Variants in SLC44A1 observed in about 807,000 individuals in gnomAD.
SLC44A1 encodes solute carrier family 44 member 1.
In SLC44A1, 26 loss-of-function variants were observed where a neutral mutation model predicts 79.3. The ratio of observed to expected loss-of-function variants is 0.33; its 90% CI spans 0.24 to 0.46. The LOEUF (loss-of-function observed/expected upper bound fraction) is 0.46. SLC44A1 is among the 20% of genes least tolerant of loss of function. SLC44A1 has a pLI of 1.00. For missense variants in SLC44A1, 688 were observed against 798.1 expected, an observed-to-expected ratio of 0.86 and a Z score of 1.66; for synonymous variants, 263 against 286.2, an observed-to-expected ratio of 0.92 and a Z score of 0.82.
At chr9:105,380,385 G>A (rs1361107790) in intron 13 of SLC44A1, among the ~76,000 whole-genome samples, 1 of 150,750 alleles carries the variant, frequency 6.6e-6, no homozygotes, top group Admixed American at 6.6e-5. Context: ...ATCTGGTTTT[G>A]TGCCCAGGCT....
intron 2 of SLC44A1, among the ~76,000 whole-genome samples, chr9:105,305,705 AC>A (rs1831010470): frequency 6.6e-6 from 1 of 152,100 alleles, no homozygotes; most frequent in African/African-American, 2.4e-5. Context: ...ATACTCATAC[AC>A]CATCTCCCAC....
chr9:105,392,956 TAA>T lies in SLC44A1; in HGVS notation c.*3909_*3910del, dbSNP rs35765843. The T allele has an allele frequency of 4.3e-6, 4 of 923,184 alleles. No homozygotes were observed. The highest frequency in any genetic ancestry group is 5.2e-6 in the Non-Finnish European group (4 of 775,540). 57.2% of individuals were successfully genotyped at this position (923,184 alleles called of 1,614,324 possible). A position where few individuals can be genotyped will look rare whatever the true frequency, so the allele number is the denominator to read the frequency against. On this transcript the variant is annotated 3_prime_UTR_variant, in exon 16 of 16. Transcript: ENST00000374720. ...CTTTACTGCTTTTCTACTGCTACTTTAAAAAAAAAACAACAACAACAAATAAA... is the reference window on the plus strand; with the variant it reads ...CTTTACTGCTTTTCTACTGCTACTTTAAAAAAAACAACAACAACAAATAAA...
rs529464119 is a variant in SLC44A1 at position 105,409,114 on chromosome 9, G to T, written c.1950+23612G>T. Reference sequence around the variant, plus strand: ...TTACCAGTTTTTTAAAATGTAAATGGATTAAACTCTTCAGTTAAAAGGCAG... The same window carrying T: ...TTACCAGTTTTTTAAAATGTAAATGTATTAAACTCTTCAGTTAAAAGGCAG... On this transcript the variant is annotated intron_variant, in intron 15 of 15. Transcript: ENST00000374724. Among the ~76,000 whole-genome samples, 7 of 152,276 alleles carry T rather than the reference G, an allele frequency of 4.6e-5. No homozygotes were observed. The East Asian group carries it at 1.3e-3, about 29-fold the overall frequency.
At chr9:105,384,927 A>G (rs1828584625) in intron 14 of SLC44A1, among the ~76,000 whole-genome samples, 1 of 152,132 alleles carries the variant, frequency 6.6e-6, no homozygotes, top group Admixed American at 6.6e-5. Context: ...ACTTTTTTTA[A>G]AAAGAGTAGT....
chr9:105,253,247 T>A (rs1333786590), intron 1 of SLC44A1, among the ~76,000 whole-genome samples: 1 of 152,178 alleles, frequency 6.6e-6, no homozygotes, highest in Non-Finnish European at 1.5e-5. Flanking sequence ...TCTGGATATG[T>A]TTATAATATG....
At chr9:105,409,973 A>C (rs958871796) in intron 15 of SLC44A1, among the ~76,000 whole-genome samples, 2 of 152,218 alleles carry the variant, frequency 1.3e-5, no homozygotes, top group Non-Finnish European at 2.9e-5. Context: ...AATCACAGTA[A>C]ATTTTAAAAG....
chr9:105,280,044 AAATG>A (rs1295964385), intron 1 of SLC44A1, among the ~76,000 whole-genome samples: 1 of 152,250 alleles, frequency 6.6e-6, no homozygotes, highest in African/African-American at 2.4e-5. Context: ...TAAAATAAAT[AAATG>A]AACTAGAGGG....
At chr9:105,385,356 A>G in intron 14 of SLC44A1, 66 bp from the exon 15 acceptor site, 1 of 1,123,264 alleles carries the variant, frequency 8.9e-7, no homozygotes, top group Non-Finnish European at 1.3e-6. Context: ...GATGTTCTTT[A>G]GAATTCATCT....
chr9:105,400,226 C>T (rs755308706), downstream of SLC44A1, among the ~76,000 whole-genome samples: 3 of 152,032 alleles, frequency 2.0e-5, no homozygotes, highest in Non-Finnish European at 2.9e-5. Flanking sequence ...CGCGGTGGCT[C>T]ATGCCTGTAA....
At chr9:105,271,279 A>G (rs1336721947) in intron 1 of SLC44A1, among the ~76,000 whole-genome samples, 1 of 152,224 alleles carries the variant, frequency 6.6e-6, no homozygotes, top group Non-Finnish European at 1.5e-5. Flanking sequence ...ATGGTTTTCT[A>G]GAAGGTTCTG....
intron 1 of SLC44A1, among the ~76,000 whole-genome samples, chr9:105,267,759 T>C (rs1209166112): frequency 6.6e-6 from 1 of 152,202 alleles, no homozygotes; most frequent in Non-Finnish European, 1.5e-5. Flanking sequence ...TGGTCATCCT[T>C]AGCTATCTAG....
Position 105,254,116 on chromosome 9 carries a change from C to A in SLC44A1, c.36+9212C>A, listed in dbSNP as rs888871563. 3.3e-5 allele frequency among the ~76,000 whole-genome samples: 5 copies of A among 152,292 alleles called. 1 individual carries two copies. In the Middle Eastern group the frequency reaches 0.01, roughly 311 times the overall value. ...AAACATTAAGGAAAATTGATTATCT[C>A]CTATAGGTCAAGGGGTAGGGTAGCT... is the stretch of plus-strand genomic sequence containing the variant. On this transcript the variant is annotated intron_variant, in intron 1 of 15. Transcript: ENST00000374720.
chr9:105,333,522 T>C (rs1826817706), intron 3 of SLC44A1, among the ~76,000 whole-genome samples: 1 of 152,138 alleles, frequency 6.6e-6, no homozygotes. Flanking sequence ...TTAAGTATTA[T>C]TAGGCCAGGC....
intron 1 of SLC44A1, among the ~76,000 whole-genome samples, chr9:105,280,224 G>A (rs964637442): frequency 2.6e-5 from 4 of 152,330 alleles, no homozygotes; most frequent in Middle Eastern, 3.4e-3. Context: ...GGTCAACACT[G>A]TGTTGCAGTT....
In SLC44A1 at chr9:105,396,096, C is replaced by A. The variant is rs1564050871; in HGVS notation, c.*7040C>A. On this transcript the variant is annotated 3_prime_UTR_variant, in exon 16 of 16. Transcript: ENST00000374720. Reference sequence around the variant, plus strand: ...CTATTTTGATTTTCAGAGATGATCACATGGGGACAGTTAACTTTTCTTCTG... The same window carrying A: ...CTATTTTGATTTTCAGAGATGATCAAATGGGGACAGTTAACTTTTCTTCTG... 1.0e-6 allele frequency: 1 copy of A among 985,142 alleles called. No homozygotes were observed. The highest frequency in any genetic ancestry group is 6.2e-5 in the Admixed American group (1 of 16,246). 61.0% of individuals were successfully genotyped at this position (985,142 alleles called of 1,614,324 possible).
chr9:105,396,205 A>G lies in SLC44A1; in HGVS notation c.*7149A>G, dbSNP rs1038289566. On this transcript the variant is annotated 3_prime_UTR_variant, in exon 16 of 16. Transcript: ENST00000374720. ...CCTATAAAAAGATACTGAGAGCTCC[A>G]TAATGAAAGAAGTTGTTATACTTTC... 1 of 985,132 alleles carries G rather than the reference A, an allele frequency of 1.0e-6. No homozygotes were observed. The highest frequency in any genetic ancestry group is 1.7e-5 in the African/African-American group (1 of 57,238). 61.0% of individuals were successfully genotyped at this position (985,132 alleles called of 1,614,324 possible). A position where few individuals can be genotyped will look rare whatever the true frequency, so the allele number is the denominator to read the frequency against.
intron 3 of SLC44A1, among the ~76,000 whole-genome samples, chr9:105,313,097 C>A (rs1401054082): frequency 1.3e-5 from 2 of 152,202 alleles, no homozygotes; most frequent in Non-Finnish European, 2.9e-5. Flanking sequence ...TACCTCTTTG[C>A]TGTTCCTTCT....
At chr9:105,431,957 C>T (rs1829403725) in intron 15 of SLC44A1, among the ~76,000 whole-genome samples, 1 of 152,222 alleles carries the variant, frequency 6.6e-6, no homozygotes, top group South Asian at 2.1e-4. Context: ...GGGTCTCACT[C>T]TGTTGCCCAG....
At chr9:105,328,912 A>G (rs1389250212) in intron 3 of SLC44A1, among the ~76,000 whole-genome samples, 1 of 151,998 alleles carries the variant, frequency 6.6e-6, no homozygotes, top group East Asian at 1.9e-4. Context: ...GGTTTCACCA[A>G]CTCTGGTGTG....
Sources: allele counts gnomAD v4.1 joint callset (sites outside exome capture counted in the v4.1 genomes callset), GRCh38; gene constraint gnomAD v4.1.1; transcripts MANE v1.5; gene names NCBI Gene and HGNC (gene_info 2026-07-23, HGNC 2026-07-21).